The following ANKRD44 variants were observed in gnomAD, a reference collection of about 807,000 sequenced individuals.
ANKRD44 encodes the protein ankyrin repeat domain 44.
A neutral mutation model predicts 116.0 loss-of-function variants in ANKRD44; 35 were observed. The observed-to-expected ratio is 0.30, with a 90% CI of 0.23 to 0.40. ANKRD44 has a LOEUF of 0.40. Ranked by LOEUF, ANKRD44 falls within the 10% of genes least tolerant of loss-of-function variation. The pLI is 1.00. For synonymous variants in ANKRD44, 435 were observed against 461.8 expected (o/e 0.94, Z 0.74); for missense variants, 1,014 against 1,242.6 (o/e 0.82, Z 2.77).
intron 16 of ANKRD44, among the ~76,000 whole-genome samples, chr2:197,061,052 T>C (rs561563197): frequency 1.3e-5 from 2 of 152,310 alleles, no homozygotes; most frequent in South Asian, 2.1e-4. Flanking sequence ...CTGGAAGATA[T>C]GTATCTGGAC....
At chr2:197,207,882 A>G (rs2125685062) in intron 1 of ANKRD44, among the ~76,000 whole-genome samples, 1 of 152,342 alleles carries the variant, frequency 6.6e-6, no homozygotes, top group East Asian at 1.9e-4. Flanking sequence ...TAACACAACC[A>G]GCTTTTTAAA....
At chr2:197,097,801 G>A (rs948034813) in intron 10 of ANKRD44, among the ~76,000 whole-genome samples, 4 of 152,104 alleles carry the variant, frequency 2.6e-5, no homozygotes, top group African/African-American at 9.7e-5. Flanking sequence ...CCTGTTCTAC[G>A]CCCACTTAGA....
At position 197,248,550 on chromosome 2, in the gene ANKRD44, GTA is replaced by G. The variant is rs917353135; in HGVS notation, c.28-61446_28-61445del. 8.5e-5 allele frequency among the ~76,000 whole-genome samples: 9 copies of G among 106,442 alleles called. No homozygotes were observed. In the South Asian group the frequency reaches 1.1e-3, roughly 13 times the overall value. The allele number at this position is 106,442 out of a possible 152,430, so 69.8% of individuals were successfully genotyped here. A position where few individuals can be genotyped will look rare whatever the true frequency, so the allele number is the denominator to read the frequency against. The stretch of plus-strand genomic sequence containing the variant: ...ATACTTATATATATTATACATATAT[GTA>G]TATGTGTGTGTGTGTGTGTGTGTGT... On this transcript the variant is annotated intron_variant, in intron 1 of 27. Coordinates refer to ENST00000282272, the MANE Select transcript of ANKRD44 (RefSeq NM_001195144.2).
chr2:197,088,646 CTTAAGT>C, intron 12 of ANKRD44, 59 bp downstream of exon 12: 1 of 770,230 alleles, frequency 1.3e-6, no homozygotes, highest in South Asian at 2.5e-5. Flanking sequence ...TCACAGACAA[CTTAAGT>C]CAAGTCAATA....
At chr2:197,284,679 A>T in intron 1 of ANKRD44, among the ~76,000 whole-genome samples, 1 of 152,110 alleles carries the variant, frequency 6.6e-6, no homozygotes, top group East Asian at 1.9e-4. Context: ...TGAGGCCAGG[A>T]GTTCGAGACC....
At chr2:197,110,370 T>A (rs944442442) in intron 9 of ANKRD44, among the ~76,000 whole-genome samples, 6 of 152,226 alleles carry the variant, frequency 3.9e-5, no homozygotes, top group Non-Finnish European at 8.8e-5. Flanking sequence ...ACTAGCTTAA[T>A]AAGTTTTAAC....
At chr2:196,986,364 G>A (rs1035469665), downstream of ANKRD44, among the ~76,000 whole-genome samples, 3 of 150,446 alleles carry the variant, frequency 2.0e-5, no homozygotes, top group African/African-American at 4.9e-5. Flanking sequence ...GCAGTGAGCC[G>A]AGATCTCACA....
chr2:196,995,955 A>C (rs956540938), intron 25 of ANKRD44, among the ~76,000 whole-genome samples: 15 of 152,200 alleles, frequency 9.9e-5, no homozygotes, highest in Non-Finnish European at 1.5e-5. Context: ...AAGAAACCCT[A>C]TTTCAGGAAA....
intron 27 of ANKRD44, among the ~76,000 whole-genome samples, chr2:196,991,569 T>A (rs1035748977): frequency 2.0e-4 from 30 of 152,026 alleles, no homozygotes; most frequent in African/African-American, 7.0e-4. Flanking sequence ...TGTACAATCA[T>A]TTAGGAGAAA....
intron 3 of ANKRD44, among the ~76,000 whole-genome samples, chr2:197,144,170 T>C (rs1304298506): frequency 1.3e-5 from 2 of 152,212 alleles, no homozygotes; most frequent in East Asian, 1.9e-4. Flanking sequence ...TTGTCTTCCC[T>C]GTCTGCTCAG....
chr2:197,054,493 T>C (rs923720983), intron 16 of ANKRD44, among the ~76,000 whole-genome samples: 29 of 152,190 alleles, frequency 1.9e-4, no homozygotes, highest in Non-Finnish European at 3.8e-4. Flanking sequence ...AAAGTCTATA[T>C]AGTTAAACAA....
At chr2:197,087,897 T>C (rs1363785408) in intron 12 of ANKRD44, among the ~76,000 whole-genome samples, 1 of 152,194 alleles carries the variant, frequency 6.6e-6, no homozygotes, top group African/African-American at 2.4e-5. Flanking sequence ...AATTTAGTTA[T>C]AAGAATTCAG....
At chr2:197,062,831 T>C (rs1278906821) in intron 16 of ANKRD44, among the ~76,000 whole-genome samples, 1 of 152,242 alleles carries the variant, frequency 6.6e-6, no homozygotes, top group South Asian at 2.1e-4. Context: ...AAGCTCGAAC[T>C]GGGTGGAGCC....
At chr2:197,249,479 G>C (rs1253309464) in intron 1 of ANKRD44, among the ~76,000 whole-genome samples, 1 of 152,108 alleles carries the variant, frequency 6.6e-6, no homozygotes, top group African/African-American at 2.4e-5. Flanking sequence ...AGTACACTGG[G>C]AAGCAAAAAG....
chr2:197,213,438 T>C (rs1431662522), intron 1 of ANKRD44, among the ~76,000 whole-genome samples: 1 of 152,204 alleles, frequency 6.6e-6, no homozygotes, highest in Non-Finnish European at 1.5e-5. Context: ...TTTCAGCACA[T>C]GTTATTTCAA....
At chr2:197,067,961 CA>C (rs1277974935) in intron 16 of ANKRD44, among the ~76,000 whole-genome samples, 6 of 151,518 alleles carry the variant, frequency 4.0e-5, no homozygotes, top group South Asian at 4.2e-4. Context: ...GGAACCAACC[CA>C]AATGTCCGAC....
At chr2:197,137,067 G>A (rs765002939) in intron 3 of ANKRD44, among the ~76,000 whole-genome samples, 1 of 152,104 alleles carries the variant, frequency 6.6e-6, no homozygotes. Flanking sequence ...GAAGCTCCCT[G>A]CAAATGAATT....
intron 10 of ANKRD44, among the ~76,000 whole-genome samples, chr2:197,091,488 G>A (rs1385899011): frequency 2.6e-5 from 4 of 152,114 alleles, no homozygotes; most frequent in South Asian, 2.1e-4. Flanking sequence ...TGAGTAGCTC[G>A]GACCACCACA....
In ANKRD44 at chr2:197,146,997, A is replaced by T. The variant is rs558917929; in HGVS notation, c.190+30T>A. On this transcript the variant is annotated intron_variant, in intron 3 of 27. Transcript: ENST00000282272. ...ATTGGTTATTTAAATTTTTATTTGC[A>T]ATTGACTTTTGAGTATAGCAGTTAT... is the stretch of plus-strand genomic sequence containing the variant. 12 of 1,596,130 alleles carry T rather than the reference A, an allele frequency of 7.5e-6. No homozygotes were observed. The East Asian group carries it at 2.7e-4, about 36-fold the overall frequency.
Sources: allele counts gnomAD v4.1 joint callset (sites outside exome capture counted in the v4.1 genomes callset), GRCh38; gene constraint gnomAD v4.1.1; transcripts MANE v1.5; gene names NCBI Gene and HGNC (gene_info 2026-07-23, HGNC 2026-07-21).